Variants in TLK2 observed in about 807,000 individuals in gnomAD.
The protein encoded by TLK2 is serine/threonine-protein kinase tousled-like 2.
TLK2 carries 6 observed loss-of-function variants against 117.3 expected under a neutral mutation model. The ratio of observed to expected loss-of-function variants is 0.05; its 90% CI spans 0.03 to 0.10. TLK2 has a LOEUF of 0.10. Ranked by LOEUF, TLK2 falls within the 10% of genes least tolerant of loss-of-function variation. TLK2 has a pLI of 1.00. For synonymous variants in TLK2, 257 were observed against 316.7 expected (o/e 0.81, Z 2.00); for missense variants, 299 against 901.2 (o/e 0.33, Z 8.56).
intron 12 of TLK2, chr17:62,574,525 T>TG: frequency 5.4e-6 from 2 of 367,774 alleles, no homozygotes; most frequent in Non-Finnish European, 8.9e-6. Flanking sequence ...TTGTTGTTGT[T>TG]TTTTTTTTTT....
Position 62,548,240 on chromosome 17 carries a change from A to ATGTGTGTGTGTG in TLK2, c.532-4038_532-4027dup, listed in dbSNP as rs59375141. ...TTATCATTGGGCCATATATATATAT[A>ATGTGTGTGTGTG]TGTGTGTGTGTGTGTGTGTGTGTGT... On this transcript the variant is annotated intron_variant, in intron 7 of 21. Coordinates refer to ENST00000346027, the MANE Select transcript of TLK2 (RefSeq NM_006852.6). Among the ~76,000 whole-genome samples the ATGTGTGTGTGTG allele has an allele frequency of 9.5e-3, 1,153 of 121,262 alleles. 14 individuals carry two copies. Among genetic ancestry groups the ATGTGTGTGTGTG allele is most frequent in the East Asian group, 0.033 (130 of 3,976 alleles). 79.6% of individuals were successfully genotyped at this position (121,262 alleles called of 152,430 possible). A position where few individuals can be genotyped will look rare whatever the true frequency, so the allele number is the denominator to read the frequency against.
chr17:62,492,839 CATA>C (rs1250438549), intron 2 of TLK2, among the ~76,000 whole-genome samples: 1 of 151,526 alleles, frequency 6.6e-6, no homozygotes, highest in Non-Finnish European at 1.5e-5. Context: ...GGTTCAAGCC[CATA>C]ATTTCACTAT....
In TLK2 at chr17:62,602,190, C is replaced by A; in HGVS notation, c.1859+10C>A. On this transcript the variant is annotated intron_variant, in intron 19 of 21. Coordinates refer to ENST00000346027, the MANE Select transcript of TLK2 (RefSeq NM_006852.6). The stretch of plus-strand genomic sequence containing the variant: ...GTGCTGGTACTTATTGGTAGGTATC[C>A]AGGAGCTCTGCCAGGTTGGCTATAG... 6.2e-7 allele frequency: 1 copy of A among 1,611,906 alleles called. No homozygotes were observed. Among genetic ancestry groups the A allele is most frequent in the African/African-American group, 1.3e-5 (1 of 74,940 alleles).
intron 16 of TLK2, among the ~76,000 whole-genome samples, chr17:62,587,907 C>A (rs551020144): frequency 6.6e-6 from 1 of 151,902 alleles, no homozygotes; most frequent in East Asian, 1.9e-4. Context: ...CCAGTACATG[C>A]TTCTCTTTAA....
intron 7 of TLK2, among the ~76,000 whole-genome samples, chr17:62,537,249 C>T (rs938372551): frequency 2.2e-4 from 34 of 152,202 alleles, no homozygotes; most frequent in African/African-American, 5.8e-4. Context: ...TGGTGGTTGT[C>T]TTAAGGAAAG....
In TLK2 at chr17:62,502,424, T is replaced by C. The variant is rs2074280739; in HGVS notation, c.82-18349T>C. On this transcript the variant is annotated intron_variant, in intron 2 of 21. Transcript: ENST00000346027. ...TGATAAAAGGCATTTATGAAAAATA[T>C]ATAAGTAACATCATACTTATGGTAA... is the stretch of plus-strand genomic sequence containing the variant. Among the ~76,000 whole-genome samples the C allele has an allele frequency of 2.0e-5, 3 of 152,328 alleles. No homozygotes were observed. In the South Asian group the frequency reaches 6.2e-4, roughly 32 times the overall value.
At chr17:62,566,854 G>A (rs1027052102) in intron 11 of TLK2, among the ~76,000 whole-genome samples, 2 of 152,162 alleles carry the variant, frequency 1.3e-5, no homozygotes, top group South Asian at 4.1e-4. Flanking sequence ...CCCTGTCAAT[G>A]GCTACTATTT....
Position 62,613,825 on chromosome 17 carries a change from A to G in TLK2, c.*1260A>G, listed in dbSNP as rs1355884749. Reference sequence around the variant, plus strand: ...CAAATGGAATTTTAAAAATAATCTGAAAAGAAATAGATATTTCAGGCCGGG... The same window carrying G: ...CAAATGGAATTTTAAAAATAATCTGGAAAGAAATAGATATTTCAGGCCGGG... On this transcript the variant is annotated 3_prime_UTR_variant, in exon 22 of 22. Coordinates refer to ENST00000346027, the MANE Select transcript of TLK2 (RefSeq NM_006852.6). 6.6e-6 allele frequency: 1 copy of G among 152,152 alleles called. No individual in the cohort carries two copies. 9.4% of individuals were successfully genotyped at this position (152,152 alleles called of 1,614,324 possible).
rs560986797 is a variant in TLK2 at position 62,536,113 on chromosome 17, G to A, written c.364-57G>A. ...ACTGTTTTTAACCCGTTGCATGTTTGGGCAGTATCAGATTATCTTTCTCAT... is the reference window on the plus strand; with the variant it reads ...ACTGTTTTTAACCCGTTGCATGTTTAGGCAGTATCAGATTATCTTTCTCAT... On this transcript the variant is annotated intron_variant, in intron 6 of 21. Coordinates refer to ENST00000346027, the MANE Select transcript of TLK2 (RefSeq NM_006852.6). 31 of 1,563,622 alleles carry A rather than the reference G, an allele frequency of 2.0e-5. 1 individual carries two copies. The highest frequency in any genetic ancestry group is 2.3e-4 in the Middle Eastern group (1 of 4,260).
chr17:62,504,515 T>C (rs1432126362), intron 2 of TLK2, among the ~76,000 whole-genome samples: 1 of 152,164 alleles, frequency 6.6e-6, no homozygotes, highest in Non-Finnish European at 1.5e-5. Context: ...ATGAGATTAA[T>C]TTTTTAGGCA....
chr17:62,576,690 T>C lies in TLK2; in HGVS notation c.1122-19T>C, dbSNP rs775224635. ...ATGATTTCTAGTAGTTTACTGAAAC[T>C]TTTACCACTGTTTTTCAGGTTAACG... On this transcript the variant is annotated intron_variant, in intron 12 of 21. Transcript: ENST00000346027. 6.2e-7 allele frequency: 1 copy of C among 1,605,540 alleles called. No homozygotes were observed. The highest frequency in any genetic ancestry group is 8.5e-7 in the Non-Finnish European group (1 of 1,172,960).
At chr17:62,599,247 G>T (rs1214482207) in intron 17 of TLK2, among the ~76,000 whole-genome samples, 2 of 152,200 alleles carry the variant, frequency 1.3e-5, no homozygotes, top group African/African-American at 4.8e-5. Context: ...TTCAAATAGG[G>T]TGTTAGCATG....
intron 5 of TLK2, among the ~76,000 whole-genome samples, chr17:62,523,601 A>G (rs191307337): frequency 4.6e-5 from 7 of 152,174 alleles, no homozygotes. Flanking sequence ...GAAAGAAAGT[A>G]ATGTTTTGCC....
chr17:62,560,697 A>G (rs920180438), intron 10 of TLK2, among the ~76,000 whole-genome samples: 1 of 146,672 alleles, frequency 6.8e-6, no homozygotes, highest in Non-Finnish European at 1.5e-5. Context: ...AGTCTCATCC[A>G]GGCTGGAGTG....
At position 62,471,124 on chromosome 17, in the gene TLK2, A is replaced by C. The variant is rs1353435523; in HGVS notation, c.-205+46A>C. On this transcript the variant is annotated intron_variant, in intron 1 of 4. Coordinates refer to the TLK2 transcript ENST00000579450. The stretch of plus-strand genomic sequence containing the variant: ...GAGGAAACTAAAGGCAGAGAGTTTA[A>C]GTAACTTGCCAAAAGTCACATGGCA... 4 of 152,292 alleles carry C rather than the reference A, an allele frequency of 2.6e-5. No homozygotes were observed. In the East Asian group the frequency reaches 7.7e-4, roughly 29 times the overall value. The allele number at this position is 152,292 out of a possible 1,614,324, so 9.4% of individuals were successfully genotyped here.
chr17:62,580,621 T>C (rs1356618562), intron 15 of TLK2, among the ~76,000 whole-genome samples: 4 of 152,218 alleles, frequency 2.6e-5, no homozygotes, highest in Admixed American at 6.5e-5. Context: ...TGTTCTAATA[T>C]CATTTACTAG....
chr17:62,580,225 G>A (rs371569923), intron 15 of TLK2, 33 bp downstream of exon 15: 1 of 1,531,352 alleles, frequency 6.5e-7, no homozygotes, highest in Non-Finnish European at 9.0e-7. Context: ...AAAGACTGGG[G>A]GTTAAATTAT....
intron 18 of TLK2, 57 bp from the exon 19 acceptor site, chr17:62,601,985 G>A (rs1190939829): frequency 1.3e-6 from 2 of 1,521,620 alleles, no homozygotes; most frequent in Non-Finnish European, 1.8e-6. Flanking sequence ...TATTACTTTG[G>A]GTTTTTCTCT....
At chr17:62,583,784 G>A (rs1203495405) in intron 15 of TLK2, among the ~76,000 whole-genome samples, 4 of 151,676 alleles carry the variant, frequency 2.6e-5, no homozygotes, top group Admixed American at 6.6e-5. Context: ...TTACTATGTT[G>A]GCTAGGCTGG....
Sources: allele counts gnomAD v4.1 joint callset (sites outside exome capture counted in the v4.1 genomes callset), GRCh38; gene constraint gnomAD v4.1.1; transcripts MANE v1.5; gene names NCBI Gene and HGNC (gene_info 2026-07-23, HGNC 2026-07-21).